ZFHX3: variants seen among roughly 807,000 people sequenced by gnomAD.
The protein encoded by ZFHX3 is zinc finger homeobox protein 3.
In ZFHX3, 42 loss-of-function variants were observed where a neutral mutation model predicts 279.1. The observed-to-expected ratio is 0.15, with a 90% CI of 0.12 to 0.19. The LOEUF (loss-of-function observed/expected upper bound fraction) is 0.19. Ranked by LOEUF, ZFHX3 falls within the 10% of genes least tolerant of loss-of-function variation. ZFHX3 has a pLI of 1.00. For synonymous variants in ZFHX3, 2,293 were observed against 1,957.8 expected (o/e 1.17, Z -4.52); for missense variants, 4,981 against 4,754.0 (o/e 1.05, Z -1.40).
rs772785593 is a variant in ZFHX3, at chr16:73,682,908, GAAAGAA to G, written c.-1607-2674_-1607-2669del. 4.0e-3 allele frequency among the ~76,000 whole-genome samples: 167 copies of G among 41,732 alleles called. 12 individuals carry two copies. Among genetic ancestry groups the G allele is most frequent in the East Asian group, 0.015 (18 of 1,238 alleles). 27.4% of individuals were successfully genotyped at this position (41,732 alleles called of 152,430 possible). On this transcript the variant is annotated intron_variant, in intron 1 of 17. Transcript: ENST00000641206. ...AAAGAAAGAAAGAAAGAAAGAAAGAGAAAGAAAGAGAGAAAGAGAAAGAAAGAAAGA... is the reference window on the plus strand; with the variant it reads ...AAAGAAAGAAAGAAAGAAAGAAAGAGAGAGAGAAAGAGAAAGAAAGAAAGA...
intron 1 of ZFHX3, among the ~76,000 whole-genome samples, chr16:72,969,419 T>C (rs1962000893): frequency 6.6e-6 from 1 of 152,068 alleles, no homozygotes; most frequent in Admixed American, 6.5e-5. Flanking sequence ...ATCCTGACTG[T>C]GGGCTGATTT....
intron 1 of ZFHX3, chr16:73,812,675 C>G (rs1317956203): frequency 2.0e-5 from 3 of 152,150 alleles, no homozygotes; most frequent in Non-Finnish European, 4.4e-5. Context: ...TAGACTATAC[C>G]TTATTCATCT....
chr16:73,874,587 C>T (rs2029893791), intron 1 of ZFHX3, among the ~76,000 whole-genome samples: 1 of 152,174 alleles, frequency 6.6e-6, no homozygotes. Context: ...TTTGTTTATT[C>T]ATTATGCCTC....
intron 4 of ZFHX3, among the ~76,000 whole-genome samples, chr16:72,843,382 G>A (rs1054679673): frequency 3.3e-5 from 5 of 151,980 alleles, no homozygotes; most frequent in African/African-American, 1.2e-4. Context: ...GTGGTGGCGG[G>A]CGCCTGTAGT....
intron 4 of ZFHX3, among the ~76,000 whole-genome samples, chr16:73,300,559 A>C (rs1018366604): frequency 2.6e-5 from 4 of 151,840 alleles, no homozygotes; most frequent in Admixed American, 2.0e-4. Context: ...GCTGGAATGC[A>C]ATGGTGTGAT....
chr16:73,886,423 TA>T (rs1170803952), intron 1 of ZFHX3, among the ~76,000 whole-genome samples: 4 of 152,084 alleles, frequency 2.6e-5, no homozygotes, highest in African/African-American at 9.7e-5. Flanking sequence ...AGGAGCAAAA[TA>T]AGGGCGAAGA....
chr16:72,921,706 C>T (rs747514097), intron 3 of ZFHX3, among the ~76,000 whole-genome samples: 16 of 152,116 alleles, frequency 1.1e-4, no homozygotes, highest in African/African-American at 3.1e-4. Context: ...AGAGAAAGGA[C>T]GGGGCAGAGA....
At chr16:72,890,496 G>GTTT (rs113661748) in intron 3 of ZFHX3, among the ~76,000 whole-genome samples, 1 of 142,020 alleles carries the variant, frequency 7.0e-6, no homozygotes, top group Non-Finnish European at 1.5e-5. Flanking sequence ...TCCTTAGAGG[G>GTTT]TTTTTTTTTT....
At position 73,035,260 on chromosome 16, in the gene ZFHX3, C is replaced by T. The variant is rs565979848; in HGVS notation, c.-50+12492G>A. Reference sequence around the variant, plus strand: ...CTGGGCTAAATGTATTATGAAAATTCATTCCACCTGTTTCTCATTGTTTAA... The same window carrying T: ...CTGGGCTAAATGTATTATGAAAATTTATTCCACCTGTTTCTCATTGTTTAA... On this transcript the variant is annotated intron_variant, in intron 1 of 9. Transcript: ENST00000268489. Among the ~76,000 whole-genome samples, 13 of 152,162 alleles carry T rather than the reference C, an allele frequency of 8.5e-5. No homozygotes were observed. In the South Asian group the frequency reaches 2.1e-3, roughly 24 times the overall value.
intron 3 of ZFHX3, among the ~76,000 whole-genome samples, chr16:73,422,495 T>C (rs1188312367): frequency 6.6e-6 from 1 of 152,204 alleles, no homozygotes. Flanking sequence ...ATTATTGATT[T>C]CATAGTTAAC....
chr16:73,397,238 A>T (rs2017149416), intron 3 of ZFHX3, among the ~76,000 whole-genome samples: 1 of 152,244 alleles, frequency 6.6e-6, no homozygotes, highest in African/African-American at 2.4e-5. Context: ...AGACCTGAAG[A>T]GTAAGGATTA....
intron 4 of ZFHX3, among the ~76,000 whole-genome samples, chr16:73,307,984 C>G (rs1381768331): frequency 6.6e-6 from 1 of 151,886 alleles, no homozygotes; most frequent in African/African-American, 2.4e-5. Flanking sequence ...AATTTGCCAG[C>G]TCCCGTGATT....
intron 3 of ZFHX3, among the ~76,000 whole-genome samples, chr16:73,432,614 T>C (rs929833010): frequency 6.6e-6 from 1 of 152,210 alleles, no homozygotes; most frequent in Non-Finnish European, 1.5e-5. Context: ...TGTCACCTCA[T>C]GCCTCTTTGC....
At chr16:73,672,339 A>T (rs2052912148) in intron 2 of ZFHX3, among the ~76,000 whole-genome samples, 1 of 152,196 alleles carries the variant, frequency 6.6e-6, no homozygotes, top group Admixed American at 6.5e-5. Flanking sequence ...AAATCAAATG[A>T]TCTGAAGATT....
chr16:73,753,717 A>G (rs145365477), intron 1 of ZFHX3, among the ~76,000 whole-genome samples: 125 of 152,328 alleles, frequency 8.2e-4, no homozygotes, highest in South Asian at 2.7e-3. Flanking sequence ...CTAAGCCCCA[A>G]TTTTAGGGAT....
At chr16:73,222,173 T>C (rs1312406059) in intron 5 of ZFHX3, among the ~76,000 whole-genome samples, 1 of 152,092 alleles carries the variant, frequency 6.6e-6, no homozygotes, top group Non-Finnish European at 1.5e-5. Context: ...AGATACTAAG[T>C]GTGAATAATC....
At chr16:73,817,950 C>G (rs1027722940) in intron 1 of ZFHX3, among the ~76,000 whole-genome samples, 1 of 152,084 alleles carries the variant, frequency 6.6e-6, no homozygotes, top group Non-Finnish European at 1.5e-5. Flanking sequence ...ACTAATGCCA[C>G]GGGAAGGCCA....
At chr16:73,049,548 C>G (rs1046674186), upstream of ZFHX3, among the ~76,000 whole-genome samples, 1 of 152,132 alleles carries the variant, frequency 6.6e-6, no homozygotes, top group South Asian at 2.1e-4. Context: ...TACAGACAGC[C>G]CCTTTCTACA....
In ZFHX3 at chr16:73,091,231, C is replaced by T. The variant is rs545133339; in HGVS notation, c.-533+2004G>A. On this transcript the variant is annotated intron_variant, in intron 8 of 17. Transcript: ENST00000641206. ...GTCTCGGAAAAAAAAAAAAAGAAAG[C>T]GGGGAAAAAAAAAAAAGCAGTAAAG... 4.6e-3 allele frequency among the ~76,000 whole-genome samples: 676 copies of T among 146,300 alleles called. 6 individuals are homozygous for T. Among genetic ancestry groups the T allele is most frequent in the African/African-American group, 0.015 (599 of 39,368 alleles).
Sources: gnomAD v4.1 joint callset for allele counts (sites outside exome capture counted in the v4.1 genomes callset) on GRCh38, gnomAD v4.1.1 for gene constraint, MANE v1.5 for transcripts, NCBI Gene and HGNC (gene_info 2026-07-23, HGNC 2026-07-21) for gene names.